The following DYNC1H1 variants were observed in gnomAD, a reference collection of about 807,000 sequenced individuals.
DYNC1H1 encodes dynein cytoplasmic 1 heavy chain 1.
A neutral mutation model predicts 527.1 loss-of-function variants in DYNC1H1; 51 were observed. That is an observed-to-expected ratio of 0.10 (90% CI 0.08 to 0.12). The LOEUF (loss-of-function observed/expected upper bound fraction) is 0.12, where lower values mean the gene tolerates loss of function less well. Ranked by LOEUF, DYNC1H1 falls within the 10% of genes least tolerant of loss-of-function variation. DYNC1H1 has a pLI of 1.00. For missense variants in DYNC1H1, 2,771 were observed against 5,971.8 expected (o/e 0.46, Z 17.66); for synonymous variants, 2,189 against 2,278.8 (o/e 0.96, Z 1.12).
chr14:101,994,551 G>C, intron 12 of DYNC1H1, 122 bp from the exon 13 acceptor site: 2 of 1,407,572 alleles, frequency 1.4e-6, no homozygotes, highest in Non-Finnish European at 1.9e-6. Flanking sequence ...AGTCTGAAGT[G>C]AGAATTTCTC....
intron 74 of DYNC1H1, 121 bp downstream of exon 74, chr14:102,048,790 C>A: frequency 1.1e-6 from 1 of 949,888 alleles, no homozygotes; most frequent in Non-Finnish European, 1.5e-6. Context: ...CTTCCGAGAG[C>A]AGCTCTGTGC....
chr14:101,982,004 C>T (rs960547241), intron 5 of DYNC1H1, among the ~76,000 whole-genome samples: 2 of 152,112 alleles, frequency 1.3e-5, no homozygotes, highest in African/African-American at 2.4e-5. Flanking sequence ...GGTACTGGTC[C>T]GCGGCCTGTT....
In DYNC1H1 at chr14:102,049,578, T is replaced by G; in HGVS notation, c.13511T>G (p.Leu4504Arg). The G allele has an allele frequency of 6.2e-7, 1 of 1,613,916 alleles. No homozygotes were observed. The highest frequency in any genetic ancestry group is 8.5e-7 in the Non-Finnish European group (1 of 1,180,012). The change falls in exon 75 of 78, where the codon CTA (leucine) becomes CGA (arginine). Residue 4504 changes from leucine to arginine, a missense_variant. Physicochemically the swap from Leu to Arg is moderately radical, Grantham distance 102. Transcript: ENST00000360184. This position sits in a 1 kb window ranked among gnomAD's most constrained non-coding sequence, Gnocchi z 5.5. ...GCTGCATCTGGTGGCGCCAAGGAGC[T>G]AAAGGTGAAGGCGCTCCTGACGAGT... ...LAAASGGAKE[L>R]KNIHVCLGGL...
In DYNC1H1 at chr14:101,985,039, C is replaced by T. The variant is rs770698978; in HGVS notation, c.1462-648C>T. Among the ~76,000 whole-genome samples the T allele has an allele frequency of 6.6e-6, 1 of 151,818 alleles. No individual in the cohort carries two copies. The highest frequency in any genetic ancestry group is 2.4e-5 in the African/African-American group (1 of 41,370). ...AAGTGATCCACCCGCCCCGGCCTCC[C>T]GAAGTGCTGGGATTACCATGCCCAG... is the stretch of plus-strand genomic sequence containing the variant. On this transcript the variant is annotated intron_variant, in intron 7 of 77. Transcript: ENST00000360184. This position sits in a 1 kb window ranked among gnomAD's most constrained non-coding sequence, Gnocchi z 5.9.
At chr14:101,984,443 ATAT>A (rs201880123) in intron 7 of DYNC1H1, among the ~76,000 whole-genome samples, 46 of 113,458 alleles carry the variant, frequency 4.1e-4, no homozygotes, top group African/African-American at 1.9e-3. Context: ...ATATATATAT[ATAT>A]TATATTTTTT....
In DYNC1H1 at chr14:102,032,367, C is replaced by T. The variant is rs775953587; in HGVS notation, c.9979C>T (p.Leu3327=). 6 of 1,614,252 alleles carry T rather than the reference C, an allele frequency of 3.7e-6. No individual in the cohort carries two copies. Among genetic ancestry groups the T allele is most frequent in the South Asian group, 1.1e-5 (1 of 91,090 alleles). Residue 3327 remains leucine (L), a synonymous_variant, in exon 52 of 78, where the codon CTG becomes TTG. Transcript: ENST00000360184. ...VKLALESICL[L]LGESTTDWKQ... ...GCTGGCGCTGGAGTCCATCTGCCTG[C>T]TGCTGGGGGAAAGCACCACAGACTG...
rs371667878 is a variant in DYNC1H1 at position 102,044,232 on chromosome 14, C to T, written c.12685-42C>T. 9 of 1,610,792 alleles carry T rather than the reference C, an allele frequency of 5.6e-6. No individual in the cohort carries two copies. The highest frequency in any genetic ancestry group is 7.6e-6 in the Non-Finnish European group (9 of 1,178,892). On this transcript the variant is annotated intron_variant, in intron 70 of 77. Transcript: ENST00000360184. This position sits in a 1 kb window ranked among gnomAD's most constrained non-coding sequence, Gnocchi z 7.1. ...CTCGAAAGGAAGCCCCGGGCCTGCC[C>T]GCCTCTGACCACACACACGAACCCT...
At chr14:102,040,735 G>A in intron 64 of DYNC1H1, 62 bp downstream of exon 64, 2 of 1,585,356 alleles carry the variant, frequency 1.3e-6, no homozygotes, top group Non-Finnish European at 1.7e-6. Flanking sequence ...GCTGCTTAAA[G>A]GGATGCTTTC....
Position 102,010,214 on chromosome 14 carries a change from T to G in DYNC1H1, c.6222-62T>G. ...TATCCATCTCTGGTTTCTTGACACT[T>G]GACCCTATTATTGCTTAAAGTATAC... On this transcript the variant is annotated intron_variant, in intron 30 of 77. Transcript: ENST00000360184. The surrounding 1 kb of genome is among the most constrained non-coding windows in gnomAD (Gnocchi z 6.0). 6.2e-7 allele frequency: 1 copy of G among 1,613,062 alleles called. No homozygotes were observed. Among genetic ancestry groups the G allele is most frequent in the Non-Finnish European group, 8.5e-7 (1 of 1,179,644 alleles).
chr14:102,001,794 C>A lies in DYNC1H1; in HGVS notation c.4542+113C>A. The A allele has an allele frequency of 6.9e-7, 1 of 1,447,540 alleles. No individual in the cohort carries two copies. The highest frequency in any genetic ancestry group is 9.5e-7 in the Non-Finnish European group (1 of 1,050,608). 89.7% of individuals were successfully genotyped at this position (1,447,540 alleles called of 1,614,324 possible). ...CTGTTTTTTATTGTATTTTTTGAGA[C>A]AGGGTCTCACTCTGTCTCCCACGCT... On this transcript the variant is annotated intron_variant, in intron 21 of 77. Coordinates refer to ENST00000360184, the MANE Select transcript of DYNC1H1 (RefSeq NM_001376.5). This position sits in a 1 kb window ranked among gnomAD's most constrained non-coding sequence, Gnocchi z 5.0.
chr14:101,999,005 C>G (rs541766322), intron 16 of DYNC1H1, among the ~76,000 whole-genome samples: 1 of 151,158 alleles, frequency 6.6e-6, no homozygotes, highest in South Asian at 2.1e-4. Flanking sequence ...CCTCAGCCTC[C>G]CGAGTAGCTG....
In DYNC1H1 at chr14:102,049,364, A is replaced by G; in HGVS notation, c.13373-76A>G. On this transcript the variant is annotated intron_variant, in intron 74 of 77. Coordinates refer to ENST00000360184, the MANE Select transcript of DYNC1H1 (RefSeq NM_001376.5). The surrounding 1 kb of genome is among the most constrained non-coding windows in gnomAD (Gnocchi z 5.5). ...TGTGTGGGCAGCCAGGATGCCTAGC[A>G]CTTGCACATTTGTTCCATCTGTGCT... 1 of 1,604,688 alleles carries G rather than the reference A, an allele frequency of 6.2e-7. No individual in the cohort carries two copies. Among genetic ancestry groups the G allele is most frequent in the East Asian group, 2.2e-5 (1 of 44,854 alleles).
At chr14:102,047,518 C>G (rs1160206163) in intron 72 of DYNC1H1, 1 of 195,370 alleles carries the variant, frequency 5.1e-6, no homozygotes, top group Non-Finnish European at 1.0e-5. Context: ...GTCTGGGTGA[C>G]AGAGCGAGAC....
At chr14:102,043,116 T>C in intron 69 of DYNC1H1, 1 of 341,202 alleles carries the variant, frequency 2.9e-6, no homozygotes, top group Non-Finnish European at 5.8e-6. Context: ...ACTCCGTCTC[T>C]ACTAAAAATA....
intron 41 of DYNC1H1, among the ~76,000 whole-genome samples, chr14:102,019,563 C>T (rs1225173263): frequency 1.3e-5 from 2 of 152,240 alleles, no homozygotes; most frequent in Non-Finnish European, 2.9e-5. Flanking sequence ...CAGCTTGAAT[C>T]TAACTTTGTT....
chr14:101,999,226 G>T (rs971726894), intron 16 of DYNC1H1, among the ~76,000 whole-genome samples: 1 of 152,048 alleles, frequency 6.6e-6, no homozygotes, highest in African/African-American at 2.4e-5. Context: ...GCCCAGGCTG[G>T]AGTGCAGTGA....
chr14:102,048,959 G>C (rs1025290767), intron 74 of DYNC1H1: 10 of 477,080 alleles, frequency 2.1e-5, no homozygotes, highest in African/African-American at 2.0e-4. Flanking sequence ...GAATGTGGTG[G>C]TCCAGGATGG....
In DYNC1H1 at chr14:102,033,230, C is replaced by T. The variant is rs764164130; in HGVS notation, c.10198-39C>T. 1 of 1,614,180 alleles carries T rather than the reference C, an allele frequency of 6.2e-7. No homozygotes were observed. The highest frequency in any genetic ancestry group is 1.1e-5 in the South Asian group (1 of 91,074). On this transcript the variant is annotated intron_variant, in intron 53 of 77. Coordinates refer to ENST00000360184, the MANE Select transcript of DYNC1H1 (RefSeq NM_001376.5). The surrounding 1 kb of genome is among the most constrained non-coding windows in gnomAD (Gnocchi z 5.6). The stretch of plus-strand genomic sequence containing the variant: ...CCCGTGTGAAAGGTGACCTCTTTTC[C>T]TGTCACTTAAATAACAGTTATCAAT...
rs1393232304 is a variant in DYNC1H1 at position 102,011,023 on chromosome 14, C to T, written c.6618+71C>T. 2.2e-5 allele frequency: 34 copies of T among 1,526,660 alleles called. No homozygotes were observed. The highest frequency in any genetic ancestry group is 1.9e-4 in the Middle Eastern group (1 of 5,354). 94.6% of individuals were successfully genotyped at this position (1,526,660 alleles called of 1,614,324 possible). A position where few individuals can be genotyped will look rare whatever the true frequency, so the allele number is the denominator to read the frequency against. On this transcript the variant is annotated intron_variant, in intron 32 of 77. Transcript: ENST00000360184. This position sits in a 1 kb window ranked among gnomAD's most constrained non-coding sequence, Gnocchi z 5.3. The stretch of plus-strand genomic sequence containing the variant: ...GGCTTTAGTGTCTGGTAATGACAAC[C>T]GTGGGCCCTTCGATGAAACTGTCCA...
Sources: gnomAD v4.1 joint callset for allele counts (sites outside exome capture counted in the v4.1 genomes callset) on GRCh38, gnomAD v4.1.1 for gene constraint, Gnocchi (gnomAD v3.1) non-coding constraint, MANE v1.5 for transcripts, NCBI Gene and HGNC (gene_info 2026-07-23, HGNC 2026-07-21) for gene names.